The following CMTM8 variants were observed in gnomAD, a reference collection of about 807,000 sequenced individuals.
CMTM8 encodes CKLF-like MARVEL transmembrane domain-containing protein 8.
Under a neutral mutation model 18.6 loss-of-function variants are expected in CMTM8, and 12 were observed. The ratio of observed to expected loss-of-function variants is 0.65; its 90% CI spans 0.41 to 1.05. The LOEUF (loss-of-function observed/expected upper bound fraction) is 1.05, where lower values mean the gene tolerates loss of function less well. CMTM8 is among the 50% of genes least tolerant of loss of function. The pLI, the probability that CMTM8 is intolerant of heterozygous loss-of-function variation, is 0.00. For synonymous variants in CMTM8, 87 were observed against 90.6 expected (o/e 0.96, Z 0.23); for missense variants, 217 against 227.2 (o/e 0.95, Z 0.29).
chr3:32,327,253 C>T (rs1207566846), intron 1 of CMTM8, among the ~76,000 whole-genome samples: 2 of 152,060 alleles, frequency 1.3e-5, no homozygotes, highest in African/African-American at 2.4e-5. Context: ...CTGAATAGTA[C>T]TTCTCTGAGG....
At chr3:32,325,059 C>T (rs1696126974) in intron 1 of CMTM8, among the ~76,000 whole-genome samples, 1 of 152,202 alleles carries the variant, frequency 6.6e-6, no homozygotes, top group Non-Finnish European at 1.5e-5. Flanking sequence ...AGGGGGCAGT[C>T]AGAGCACCCC....
intron 1 of CMTM8, among the ~76,000 whole-genome samples, chr3:32,308,456 G>T (rs906690192): frequency 6.6e-6 from 1 of 152,170 alleles, no homozygotes; most frequent in African/African-American, 2.4e-5. Flanking sequence ...TTTCCAGCCC[G>T]CAGTTTCTTC....
At chr3:32,274,896 A>C (rs1485017035) in intron 1 of CMTM8, among the ~76,000 whole-genome samples, 1 of 152,182 alleles carries the variant, frequency 6.6e-6, no homozygotes, top group Non-Finnish European at 1.5e-5. Flanking sequence ...GATTCAGGTT[A>C]TGTGTTGTTG....
intron 1 of CMTM8, among the ~76,000 whole-genome samples, chr3:32,268,587 G>GTA (rs569435358): frequency 0.36 from 10,331 of 28,508 alleles, 398 homozygotes; most frequent in South Asian, 0.42. Context: ...AGAACTTAAA[G>GTA]TATAAAAAAA....
chr3:32,318,660 A>T (rs1394260861), intron 1 of CMTM8, among the ~76,000 whole-genome samples: 1 of 145,626 alleles, frequency 6.9e-6, no homozygotes, highest in Non-Finnish European at 1.5e-5. Flanking sequence ...TCCGCCTCCC[A>T]GGTTCACACC....
intron 1 of CMTM8, among the ~76,000 whole-genome samples, chr3:32,277,919 G>C (rs1228867784): frequency 6.6e-6 from 1 of 152,210 alleles, no homozygotes; most frequent in Non-Finnish European, 1.5e-5. Flanking sequence ...ATGTTTGACT[G>C]TTGTGACAAA....
intron 3 of CMTM8, among the ~76,000 whole-genome samples, chr3:32,368,222 G>A (rs1007487278): frequency 6.6e-6 from 1 of 152,216 alleles, no homozygotes; most frequent in African/African-American, 2.4e-5. Flanking sequence ...ACTGGAACAA[G>A]ATAAGTATTC....
intron 1 of CMTM8, among the ~76,000 whole-genome samples, chr3:32,312,408 C>A (rs1202850898): frequency 6.6e-6 from 1 of 152,132 alleles, no homozygotes; most frequent in Admixed American, 6.5e-5. Context: ...CTTGCTAGAA[C>A]AGCTCACAGA....
chr3:32,281,405 G>A (rs893845922), intron 1 of CMTM8, among the ~76,000 whole-genome samples: 1 of 152,212 alleles, frequency 6.6e-6, no homozygotes, highest in Non-Finnish European at 1.5e-5. Flanking sequence ...GTTCTTGGGG[G>A]TAGGGAGGGA....
At chr3:32,251,981 T>G (rs1702116210) in intron 1 of CMTM8, among the ~76,000 whole-genome samples, 1 of 151,966 alleles carries the variant, frequency 6.6e-6, no homozygotes, top group Non-Finnish European at 1.5e-5. Context: ...TCCCAGCTAC[T>G]TGGGAGGCTG....
chr3:32,259,229 C>T (rs1702219540), intron 1 of CMTM8: 4 of 567,592 alleles, frequency 7.0e-6, no homozygotes, highest in Non-Finnish European at 9.8e-6. Context: ...TGCCTGGCCT[C>T]CTACCTGGAC....
intron 1 of CMTM8, among the ~76,000 whole-genome samples, chr3:32,275,026 C>G (rs776491051): frequency 6.6e-6 from 1 of 152,130 alleles, no homozygotes; most frequent in Non-Finnish European, 1.5e-5. Context: ...TTTTAAAAGA[C>G]AGAGTCTCAC....
At chr3:32,265,363 T>C (rs532674802) in intron 1 of CMTM8, among the ~76,000 whole-genome samples, 2 of 152,240 alleles carry the variant, frequency 1.3e-5, no homozygotes, top group South Asian at 2.1e-4. Context: ...ACTGGGTACA[T>C]AACGGAATGA....
At chr3:32,322,913 C>T (rs1696084816) in intron 1 of CMTM8, among the ~76,000 whole-genome samples, 1 of 152,160 alleles carries the variant, frequency 6.6e-6, no homozygotes, top group African/African-American at 2.4e-5. Flanking sequence ...GATCTTGGTT[C>T]CTGCTTCTCC....
intron 1 of CMTM8, among the ~76,000 whole-genome samples, chr3:32,325,764 G>C (rs772951294): frequency 6.6e-6 from 1 of 152,050 alleles, no homozygotes; most frequent in Non-Finnish European, 1.5e-5. Flanking sequence ...CCACATTTTT[G>C]AATAAAACTG....
Position 32,238,822 on chromosome 3 carries a change from A to T in CMTM8, c.-151A>T. ...AGAGGGACACCCGCCGCGCCTGGACAGCCCCCGGCGGGCGCCCCCCTCGCA... is the reference window on the plus strand; with the variant it reads ...AGAGGGACACCCGCCGCGCCTGGACTGCCCCCGGCGGGCGCCCCCCTCGCA... On this transcript the variant is annotated 5_prime_UTR_variant, in exon 1 of 4. Transcript: ENST00000307526. 2.1e-6 allele frequency: 1 copy of T among 472,574 alleles called. No individual in the cohort carries two copies. Among genetic ancestry groups the T allele is most frequent in the Non-Finnish European group, 3.3e-6 (1 of 304,080 alleles). The allele number at this position is 472,574 out of a possible 1,614,324, so 29.3% of individuals were successfully genotyped here.
chr3:32,318,653 G>A (rs567370107), intron 1 of CMTM8, among the ~76,000 whole-genome samples: 36 of 145,760 alleles, frequency 2.5e-4, no homozygotes, highest in Non-Finnish European at 2.2e-4. Context: ...TGTAAGCTCC[G>A]CCTCCCAGGT....
intron 1 of CMTM8, among the ~76,000 whole-genome samples, chr3:32,257,901 G>A (rs1430383361): frequency 6.6e-6 from 1 of 152,076 alleles, no homozygotes; most frequent in African/African-American, 2.4e-5. Flanking sequence ...TTTTTCAGAG[G>A]AAAGGAAATA....
chr3:32,325,862 G>A (rs1389581441), intron 1 of CMTM8, among the ~76,000 whole-genome samples: 1 of 152,080 alleles, frequency 6.6e-6, no homozygotes, highest in Admixed American at 6.5e-5. Flanking sequence ...GAAGCCCAAA[G>A]GGGTGAGCAG....
Sources: gnomAD v4.1 joint callset for allele counts (sites outside exome capture counted in the v4.1 genomes callset) on GRCh38, gnomAD v4.1.1 for gene constraint, MANE v1.5 for transcripts, NCBI Gene and HGNC (gene_info 2026-07-23, HGNC 2026-07-21) for gene names.